The following SLC22A3 variants were observed in gnomAD, a reference collection of about 807,000 sequenced individuals.
SLC22A3 encodes EMT organic cation transporter 3.
Under a neutral mutation model 59.1 loss-of-function variants are expected in SLC22A3, and 51 were observed. The ratio of observed to expected loss-of-function variants is 0.86; its 90% confidence interval spans 0.69 to 1.09. SLC22A3 has a LOEUF of 1.09. Among genes scored for constraint, SLC22A3 ranks in the 50% least tolerant of loss-of-function variants. SLC22A3 has a pLI of 0.00. For missense variants in SLC22A3, 711 were observed against 726.3 expected (o/e 0.98, Z 0.24); for synonymous variants, 325 against 292.0 (o/e 1.11, Z -1.15).
chr6:160,352,423 C>A (rs1445734157), intron 1 of SLC22A3, among the ~76,000 whole-genome samples: 2 of 152,188 alleles, frequency 1.3e-5, no homozygotes, highest in Non-Finnish European at 2.9e-5. Flanking sequence ...GCGAGTCTGA[C>A]CCCCTGTCCC....
At chr6:160,426,375 C>G (rs753650058) in intron 5 of SLC22A3, 1 of 984,018 alleles carries the variant, frequency 1.0e-6, no homozygotes, top group Non-Finnish European at 1.2e-6. Flanking sequence ...TTACTTAAGA[C>G]TCTGTGCATG....
chr6:160,425,603 T>C (rs901544840), intron 5 of SLC22A3, among the ~76,000 whole-genome samples: 2 of 152,134 alleles, frequency 1.3e-5, no homozygotes, highest in Admixed American at 1.3e-4. Flanking sequence ...CATATAAATA[T>C]GCACAATATA....
chr6:160,435,300 A>G (rs1788297554), intron 5 of SLC22A3, among the ~76,000 whole-genome samples: 1 of 152,240 alleles, frequency 6.6e-6, no homozygotes, highest in Non-Finnish European at 1.5e-5. Context: ...TAAGACACAT[A>G]GTCATTTTAT....
chr6:160,371,800 A>G (rs1785407646), intron 1 of SLC22A3, among the ~76,000 whole-genome samples: 1 of 152,212 alleles, frequency 6.6e-6, no homozygotes, highest in Non-Finnish European at 1.5e-5. Context: ...CCAACAGTGT[A>G]AATGCGTTCC....
chr6:160,383,227 C>T (rs1236794395), intron 1 of SLC22A3, among the ~76,000 whole-genome samples: 1 of 152,196 alleles, frequency 6.6e-6, no homozygotes, highest in Non-Finnish European at 1.5e-5. Context: ...TCTTGGTTAA[C>T]CTCAGTGTTT....
At chr6:160,403,411 TTTTCA>T (rs1786871919) in intron 2 of SLC22A3, among the ~76,000 whole-genome samples, 1 of 151,894 alleles carries the variant, frequency 6.6e-6, no homozygotes, top group African/African-American at 2.4e-5. Context: ...AGTTAATTAC[TTTTCA>T]AAACAGGAAG....
chr6:160,351,062 G>A (rs772231796), intron 1 of SLC22A3, among the ~76,000 whole-genome samples: 6 of 152,142 alleles, frequency 3.9e-5, no homozygotes, highest in African/African-American at 1.2e-4. Context: ...AATGTACCCC[G>A]TAAAGCCCCA....
chr6:160,359,128 T>C (rs1004707192), intron 1 of SLC22A3, among the ~76,000 whole-genome samples: 1 of 152,182 alleles, frequency 6.6e-6, no homozygotes, highest in African/African-American at 2.4e-5. Context: ...GTTGCAATGG[T>C]CCTATAGGCA....
At chr6:160,386,807 C>T (rs943138718) in intron 1 of SLC22A3, among the ~76,000 whole-genome samples, 9 of 152,184 alleles carry the variant, frequency 5.9e-5, no homozygotes, top group Non-Finnish European at 1.0e-4. Flanking sequence ...TGCTTTGGAG[C>T]CTCTTATGGG....
At chr6:160,349,984 G>A (rs1784607005) in intron 1 of SLC22A3, among the ~76,000 whole-genome samples, 1 of 152,164 alleles carries the variant, frequency 6.6e-6, no homozygotes, top group South Asian at 2.1e-4. Flanking sequence ...TGTTGGTCTG[G>A]TGAGCTTATC....
chr6:160,400,984 G>GAAAAAAAAAAAAAAAAAAAAAACAAAAAA (rs1786755708), intron 2 of SLC22A3, among the ~76,000 whole-genome samples: 1 of 78,558 alleles, frequency 1.3e-5, no homozygotes, highest in Non-Finnish European at 2.3e-5. Flanking sequence ...CTCCAAAACT[G>GAAAAAAAAAAAAAAAAAAAAAACAAAAAA]AAAAAAAAAA....
rs453159 is a variant in SLC22A3, at chr6:160,397,706, T to C, written c.430-273T>C. Among the ~76,000 whole-genome samples, 762 of 146,192 alleles carry C rather than the reference T, an allele frequency of 5.2e-3. 11 individuals carry two copies. The East Asian group carries it at 0.063, about 12-fold the overall frequency. ...CAGAGATTGCTCCACTACACTTCAG[T>C]CTGGTGACAGAGCGAGACTCCATCT... On this transcript the variant is annotated intron_variant, in intron 1 of 10. Coordinates refer to ENST00000275300, the MANE Select transcript of SLC22A3 (RefSeq NM_021977.4).
At position 160,423,303 on chromosome 6, in the gene SLC22A3, T is replaced by C. The variant is rs1337227499; in HGVS notation, c.975+12457T>C. Among the ~76,000 whole-genome samples, 10 of 152,358 alleles carry C rather than the reference T, an allele frequency of 6.6e-5. No homozygotes were observed. The East Asian group carries it at 1.9e-3, about 29-fold the overall frequency. On this transcript the variant is annotated intron_variant, in intron 5 of 10. Transcript: ENST00000275300. Reference sequence around the variant, plus strand: ...GCCACAATAAACATATGTGTGCATGTGCCTTTATAGCAGCATGATTTATAA... The same window carrying C: ...GCCACAATAAACATATGTGTGCATGCGCCTTTATAGCAGCATGATTTATAA...
chr6:160,359,442 A>AAT (rs1160146748), intron 1 of SLC22A3, among the ~76,000 whole-genome samples: 2 of 152,236 alleles, frequency 1.3e-5, no homozygotes, highest in Non-Finnish European at 2.9e-5. Context: ...TCCTGCTTAG[A>AAT]AACTTGTTTT....
At chr6:160,378,918 T>C (rs993877424) in intron 1 of SLC22A3, among the ~76,000 whole-genome samples, 8 of 152,190 alleles carry the variant, frequency 5.3e-5, no homozygotes, top group Admixed American at 2.0e-4. Context: ...ATGACTAGCC[T>C]GGAAAAAGAT....
chr6:160,444,704 G>A (rs895779906), intron 9 of SLC22A3, among the ~76,000 whole-genome samples: 6 of 152,160 alleles, frequency 3.9e-5, no homozygotes, highest in African/African-American at 1.4e-4. Flanking sequence ...ATACGGGTTG[G>A]CCCCTTTCTC....
chr6:160,384,144 G>C (rs1397461569), intron 1 of SLC22A3, among the ~76,000 whole-genome samples: 1 of 152,132 alleles, frequency 6.6e-6, no homozygotes, highest in African/African-American at 2.4e-5. Context: ...TGGCTAGGCT[G>C]ATCTCAAACT....
In SLC22A3 at chr6:160,348,638, C is replaced by A; in HGVS notation, c.219C>A (p.Arg73=). The change falls in exon 1 of 11, where the codon CGC becomes CGA. Residue 73 remains arginine (R), a synonymous_variant. Transcript: ENST00000275300. ...CGWSPEEEWN[R]TAPASRGPEP... ...GGAGCCCGGAGGAGGAGTGGAACCG[C>A]ACGGCGCCCGCCTCCCGCGGCCCAG... 6.6e-7 allele frequency: 1 copy of A among 1,503,974 alleles called. No homozygotes were observed. Among genetic ancestry groups the A allele is most frequent in the Non-Finnish European group, 8.8e-7 (1 of 1,134,210 alleles). The allele number at this position is 1,503,974 out of a possible 1,614,324, so 93.2% of individuals were successfully genotyped here. A position where few individuals can be genotyped will look rare whatever the true frequency, so the allele number is the denominator to read the frequency against.
At chr6:160,350,129 G>T (rs1030546320) in intron 1 of SLC22A3, among the ~76,000 whole-genome samples, 8 of 151,442 alleles carry the variant, frequency 5.3e-5, no homozygotes, top group Non-Finnish European at 8.8e-5. Context: ...CAGGCGATGT[G>T]TGTATGTGTT....
Sources: allele counts gnomAD v4.1 joint callset (sites outside exome capture counted in the v4.1 genomes callset), GRCh38; gene constraint gnomAD v4.1.1; transcripts MANE v1.5; gene names NCBI Gene and HGNC (gene_info 2026-07-23, HGNC 2026-07-21).